NRG1: variants seen among roughly 807,000 people sequenced by gnomAD.
NRG1 encodes the protein pro-neuregulin-1, membrane-bound isoform.
NRG1 carries 18 observed loss-of-function variants against 63.8 expected under a neutral mutation model. That is an observed-to-expected ratio of 0.28 (90% CI 0.19 to 0.42). The LOEUF (loss-of-function observed/expected upper bound fraction) is 0.42. Among genes scored for constraint, NRG1 ranks in the 10% least tolerant of loss-of-function variants. The probability of loss-of-function intolerance (pLI) is 1.00; values close to 1 mark genes in which losing one functional copy is unlikely to be tolerated. For missense variants in NRG1, 762 were observed against 814.7 expected, an observed-to-expected ratio of 0.94 and a Z score of 0.79; for synonymous variants, 302 against 301.3, an observed-to-expected ratio of 1.00 and a Z score of -0.02.
intron 1 of NRG1, among the ~76,000 whole-genome samples, chr8:31,852,492 G>T (rs1396009061): frequency 6.6e-6 from 1 of 152,046 alleles, no homozygotes; most frequent in Admixed American, 6.6e-5. Flanking sequence ...TGAGTTCATT[G>T]TAGATTCTGG....
In NRG1 at chr8:31,829,801, C is replaced by G. The variant is rs528379823; in HGVS notation, c.37+190370C>G. 3.3e-5 allele frequency among the ~76,000 whole-genome samples: 5 copies of G among 152,324 alleles called. No individual in the cohort carries two copies. The East Asian group carries it at 9.6e-4, about 29-fold the overall frequency. ...TTTTGTTTTATGGAGATTGGCTAGA[C>G]TGGCAGGTGACAAGGCAAGAGGTGG... On this transcript the variant is annotated intron_variant, in intron 1 of 10. Transcript: ENST00000519301.
chr8:31,742,454 A>ATTTTT (rs1563349398), intron 1 of NRG1, among the ~76,000 whole-genome samples: 2 of 43,262 alleles, frequency 4.6e-5, no homozygotes, highest in African/African-American at 1.6e-4. Context: ...CTTTTTTAAG[A>ATTTTT]ATTTTTTTTT....
rs539175038 is a variant in NRG1, at chr8:32,406,457, A to T, written c.38-189371A>T. ...TTCTGGCACATAGTAAGGGCTTAGT[A>T]AAAACTAGGTATTTTTACCTGGTAT... On this transcript the variant is annotated intron_variant, in intron 1 of 10. Transcript: ENST00000519301. 2.0e-5 allele frequency among the ~76,000 whole-genome samples: 3 copies of T among 152,322 alleles called. No individual in the cohort carries two copies. In the South Asian group the frequency reaches 6.2e-4, roughly 32 times the overall value.
intron 1 of NRG1, among the ~76,000 whole-genome samples, chr8:31,796,627 G>A (rs942611552): frequency 6.6e-6 from 1 of 151,478 alleles, no homozygotes; most frequent in Admixed American, 6.6e-5. Flanking sequence ...TAGTAGAGAT[G>A]GGGGTTTCAC....
At chr8:32,542,394 C>G (rs554957633) in intron 1 of NRG1, among the ~76,000 whole-genome samples, 19 of 152,160 alleles carry the variant, frequency 1.2e-4, no homozygotes, top group Non-Finnish European at 2.6e-4. Context: ...AGTACACACA[C>G]ACTTCTGTAT....
intron 1 of NRG1, among the ~76,000 whole-genome samples, chr8:31,662,645 C>A (rs1022440821): frequency 4.6e-5 from 7 of 152,124 alleles, no homozygotes; most frequent in Non-Finnish European, 7.3e-5. Flanking sequence ...CCTTTTAGGA[C>A]CTCATCCTAC....
chr8:31,875,994 G>T (rs1487246418), intron 1 of NRG1, among the ~76,000 whole-genome samples: 1 of 151,974 alleles, frequency 6.6e-6, no homozygotes, highest in East Asian at 1.9e-4. Context: ...CAGATCTGCA[G>T]GAGGTAGAAA....
At chr8:31,956,484 G>A (rs1024311006) in intron 1 of NRG1, among the ~76,000 whole-genome samples, 1 of 152,090 alleles carries the variant, frequency 6.6e-6, no homozygotes, top group Non-Finnish European at 1.5e-5. Context: ...GCCAGGCATT[G>A]TGGCGGGTGC....
intron 1 of NRG1, among the ~76,000 whole-genome samples, chr8:31,878,269 A>G (rs1312449153): frequency 2.0e-5 from 3 of 152,306 alleles, no homozygotes; most frequent in East Asian, 3.9e-4. Context: ...ATAACCTTAC[A>G]TCTTTTTTAT....
chr8:31,670,910 A>C (rs1807068293), intron 1 of NRG1, among the ~76,000 whole-genome samples: 1 of 152,174 alleles, frequency 6.6e-6, no homozygotes, highest in African/African-American at 2.4e-5. Flanking sequence ...CACCCAGGTA[A>C]TCAACATAAT....
exon 12 of NRG1, chr8:32,766,348 T>C (rs1174117921): frequency 6.6e-6 from 1 of 152,166 alleles, no homozygotes; most frequent in African/African-American, 2.4e-5. Flanking sequence ...GTATCCTCAT[T>C]TGCTTTTTAA....
At chr8:32,519,782 C>T (rs1018909043) in intron 1 of NRG1, among the ~76,000 whole-genome samples, 6 of 152,164 alleles carry the variant, frequency 3.9e-5, no homozygotes, top group South Asian at 2.1e-4. Flanking sequence ...GTGATAAACA[C>T]GTTTGATTTT....
At chr8:32,002,786 A>G (rs542063730) in intron 1 of NRG1, among the ~76,000 whole-genome samples, 40 of 152,218 alleles carry the variant, frequency 2.6e-4, no homozygotes, top group Non-Finnish European at 2.6e-4. Flanking sequence ...CTATCTATAA[A>G]TATTTCTATA....
At chr8:31,663,957 A>G (rs992064926) in intron 1 of NRG1, among the ~76,000 whole-genome samples, 1 of 152,116 alleles carries the variant, frequency 6.6e-6, no homozygotes, top group African/African-American at 2.4e-5. Context: ...TCTTATTAGG[A>G]AAGGGTGGGT....
At chr8:31,652,948 C>CTCTCT (rs1563257811) in intron 1 of NRG1, among the ~76,000 whole-genome samples, 3 of 83,176 alleles carry the variant, frequency 3.6e-5, no homozygotes, top group African/African-American at 1.4e-4. Context: ...CCCTTCCTTC[C>CTCTCT]TCTCTTCTCT....
intron 1 of NRG1, among the ~76,000 whole-genome samples, chr8:31,937,318 T>C (rs1222395444): frequency 3.9e-5 from 6 of 152,072 alleles, no homozygotes; most frequent in Non-Finnish European, 5.9e-5. Flanking sequence ...GAAGACTTAA[T>C]AGAAAGTATA....
intron 1 of NRG1, among the ~76,000 whole-genome samples, chr8:31,678,432 T>G (rs2131042754): frequency 6.6e-6 from 1 of 152,212 alleles, no homozygotes; most frequent in South Asian, 2.1e-4. Context: ...TTAGACCACC[T>G]TTGTGTCCAT....
chr8:31,791,353 T>C (rs1224835694), intron 1 of NRG1, among the ~76,000 whole-genome samples: 1 of 152,186 alleles, frequency 6.6e-6, no homozygotes, highest in African/African-American at 2.4e-5. Flanking sequence ...TAAAACACTA[T>C]TGCTATTAAT....
In NRG1 at chr8:32,312,164, T is replaced by G. The variant is rs1341375774; in HGVS notation, c.38-283664T>G. On this transcript the variant is annotated intron_variant, in intron 1 of 10. Coordinates refer to the NRG1 transcript ENST00000519301. Reference sequence around the variant, plus strand: ...CATTATTTGACCTTGTTTGTTTTTTTTTTTTTTTTTTTTTTTGAGACAGAG... The same window carrying G: ...CATTATTTGACCTTGTTTGTTTTTTGTTTTTTTTTTTTTTTTGAGACAGAG... Among the ~76,000 whole-genome samples, 5 of 130,322 alleles carry G rather than the reference T, an allele frequency of 3.8e-5. No homozygotes were observed. The East Asian group carries it at 6.3e-4, about 16-fold the overall frequency. The allele number at this position is 130,322 out of a possible 152,430, so 85.5% of individuals were successfully genotyped here. A position where few individuals can be genotyped will look rare whatever the true frequency, so the allele number is the denominator to read the frequency against.
Sources: allele counts gnomAD v4.1 joint callset (sites outside exome capture counted in the v4.1 genomes callset), GRCh38; gene constraint gnomAD v4.1.1; transcripts MANE v1.5; gene names NCBI Gene and HGNC (gene_info 2026-07-23, HGNC 2026-07-21).